CYP4F2: variants seen among roughly 807,000 people sequenced by gnomAD.
CYP4F2 encodes the protein cytochrome P450 family 4 subfamily F member 2, also known as cytochrome P450 4F2.
CYP4F2 carries 58 observed loss-of-function variants against 58.9 expected under a neutral mutation model. That is an observed-to-expected ratio of 0.98 (90% confidence interval 0.80 to 1.23). CYP4F2 has a LOEUF of 1.23. Ranked by LOEUF, CYP4F2 falls within the 50% of genes most tolerant of loss-of-function variation. The pLI is 0.00. For synonymous variants in CYP4F2, 287 were observed against 261.1 expected, an observed-to-expected ratio of 1.10 and a Z score of -0.95; for missense variants, 616 against 685.6, an observed-to-expected ratio of 0.90 and a Z score of 1.13.
chr19:15,892,284 G>A (rs1226017192), intron 5 of CYP4F2, 25 bp downstream of exon 5: 10 of 1,613,998 alleles, frequency 6.2e-6, no homozygotes, highest in African/African-American at 2.7e-5. Context: ...GGCTGCAAGT[G>A]GGACCTTGGC....
rs557462046 is a variant in CYP4F2, at chr19:15,878,950, G to C, written c.1398-14C>G. On this transcript the variant is annotated splice_polypyrimidine_tract_variant and intron_variant, in intron 12 of 12. Coordinates refer to ENST00000221700, the MANE Select transcript of CYP4F2 (RefSeq NM_001082.5). The stretch of plus-strand genomic sequence containing the variant: ...CCGATGCAGTTCCTAGGGGAGGGAG[G>C]TGGGAACTCTGACTGCACCCAGGAG... 3.3e-5 allele frequency: 53 copies of C among 1,611,416 alleles called. No homozygotes were observed. Among genetic ancestry groups the C allele is most frequent in the Non-Finnish European group, 4.4e-5 (52 of 1,178,732 alleles).
chr19:15,878,828 C>G lies in CYP4F2; in HGVS notation c.1506G>C (p.Pro502=). Residue 502 remains proline, a synonymous_variant, in exon 13 of 13, where the codon CCG becomes CCC. Transcript: ENST00000221700. ...LPDHTEPRRK[P]ELVLRAEGGL... is the part of the protein sequence containing the mutation. ...CGCCCTCTGCGCGCAGGACCAGCTC[C>G]GGCTTCCTGCGGGGCTCGGTGTGGT... The G allele has an allele frequency of 1.9e-6, 3 of 1,613,940 alleles. No homozygotes were observed. Among genetic ancestry groups the G allele is most frequent in the Non-Finnish European group, 2.5e-6 (3 of 1,179,922 alleles).
In CYP4F2 at chr19:15,886,001, C is replaced by T. The variant is rs189733293; in HGVS notation, c.1038G>A (p.Lys346=). Residue 346 remains lysine (K), a synonymous_variant, in exon 9 of 13, where the codon AAG becomes AAA. Transcript: ENST00000221700. ...GLSWVLYHLA[K]HPEYQERCRQ... ...GGCAGCGCTCCTGGTATTCTGGGTG[C>T]TTTGCAAGGTGGTACAGGACCCAGG... The T allele has an allele frequency of 6.8e-6, 11 of 1,614,012 alleles. No individual in the cohort carries two copies. The highest frequency in any genetic ancestry group is 7.6e-6 in the Non-Finnish European group (9 of 1,180,032).
intron 2 of CYP4F2, among the ~76,000 whole-genome samples, chr19:15,896,069 T>G (rs11666160): frequency 7.0e-6 from 1 of 142,306 alleles, no homozygotes; most frequent in Non-Finnish European, 1.5e-5. Flanking sequence ...TCTATCTATC[T>G]ATCCATCCAT....
At chr19:15,886,441 C>T (rs2089380894) in intron 7 of CYP4F2, 133 bp from the exon 8 acceptor site, 4 of 1,187,664 alleles carry the variant, frequency 3.4e-6, no homozygotes, top group Middle Eastern at 2.2e-4. Context: ...GTCCATCTTG[C>T]ACTCCTAGAC....
chr19:15,889,738 GA>G (rs750223724), intron 6 of CYP4F2, 45 bp from the exon 7 acceptor site: 3 of 1,599,594 alleles, frequency 1.9e-6, no homozygotes, highest in Admixed American at 3.4e-5. Context: ...TAATATACCT[GA>G]AGCCCCAGGA....
chr19:15,883,152 G>A (rs1197887605), intron 9 of CYP4F2, among the ~76,000 whole-genome samples: 1 of 152,100 alleles, frequency 6.6e-6, no homozygotes, highest in Admixed American at 6.5e-5. Context: ...GCACAGCAAA[G>A]GAAACAGTCA....
chr19:15,879,914 G>C lies in CYP4F2; in HGVS notation c.1116-17C>G, dbSNP rs770374635. Reference sequence around the variant, plus strand: ...AGGTCGTCCCTAAGGAAACACCCCAGCCCCAATCCTTATCAAGGGAGCAAA... The same window carrying C: ...AGGTCGTCCCTAAGGAAACACCCCACCCCCAATCCTTATCAAGGGAGCAAA... On this transcript the variant is annotated splice_polypyrimidine_tract_variant and intron_variant, in intron 9 of 12. Coordinates refer to ENST00000221700, the MANE Select transcript of CYP4F2 (RefSeq NM_001082.5). The C allele has an allele frequency of 9.3e-6, 15 of 1,613,308 alleles. No individual in the cohort carries two copies. Among genetic ancestry groups the C allele is most frequent in the Middle Eastern group, 3.3e-4 (2 of 6,082 alleles).
In CYP4F2 at chr19:15,878,417, C is replaced by T. The variant is rs1189185347; in HGVS notation, c.*354G>A. On this transcript the variant is annotated 3_prime_UTR_variant, in exon 13 of 13. Transcript: ENST00000221700. Reference sequence around the variant, plus strand: ...CTATGTGACCTTTTGCATCTGACGTCTTTCATTCAGTATCATGCATTCAAG... The same window carrying T: ...CTATGTGACCTTTTGCATCTGACGTTTTTCATTCAGTATCATGCATTCAAG... The T allele has an allele frequency of 1.2e-5, 3 of 247,656 alleles. No homozygotes were observed. In the South Asian group the frequency reaches 2.7e-4, roughly 22 times the overall value. 15.3% of individuals were successfully genotyped at this position (247,656 alleles called of 1,614,324 possible).
In CYP4F2 at chr19:15,892,455, G is replaced by A. The variant is rs751186319; in HGVS notation, c.398-19C>T. 6.2e-7 allele frequency: 1 copy of A among 1,614,134 alleles called. No homozygotes were observed. Among genetic ancestry groups the A allele is most frequent in the East Asian group, 2.2e-5 (1 of 44,870 alleles). On this transcript the variant is annotated intron_variant, in intron 4 of 12. Coordinates refer to ENST00000221700, the MANE Select transcript of CYP4F2 (RefSeq NM_001082.5). ...CCATCCCCTAGCAGGGCAGCCAAGG[G>A]CCATGGGCAAGGACCTCTCCCTCCC...
rs557273294 is a variant in CYP4F2 at position 15,897,829 on chromosome 19, G to A, written c.-2+197C>T. ...GTTCCCTAGTAAGCACTTAGAATGG[G>A]AAAGAGAGAGAGAGACTGATTAAAG... On this transcript the variant is annotated intron_variant, in intron 1 of 12. Coordinates refer to ENST00000221700, the MANE Select transcript of CYP4F2 (RefSeq NM_001082.5). 8.8e-4 allele frequency: 486 copies of A among 550,976 alleles called. 4 individuals are homozygous for A. The highest frequency in any genetic ancestry group is 2.9e-3 in the African/African-American group (138 of 48,180). 34.1% of individuals were successfully genotyped at this position (550,976 alleles called of 1,614,324 possible). A position where few individuals can be genotyped will look rare whatever the true frequency, so the allele number is the denominator to read the frequency against.
At chr19:15,881,775 A>G (rs2089347371) in intron 9 of CYP4F2, among the ~76,000 whole-genome samples, 2 of 151,998 alleles carry the variant, frequency 1.3e-5, no homozygotes, top group South Asian at 4.1e-4. Context: ...TGTGGTGTGT[A>G]TATACAATGG....
rs747990498 is a variant in CYP4F2, at chr19:15,892,545, G to A, written c.381C>T (p.Phe127=). The part of the protein sequence containing the change: ...IAPKDKFFYS[F]LEPWLGDGLL... ...GATACTCACCCAGCCAGGGCTCCAGGAAGCTGTAGAAGAACTTGTCCTTTG... is the reference window on the plus strand; with the variant it reads ...GATACTCACCCAGCCAGGGCTCCAGAAAGCTGTAGAAGAACTTGTCCTTTG... The change falls in exon 4 of 13, where the codon TTC becomes TTT. Residue 127 remains phenylalanine, a synonymous_variant. Coordinates refer to ENST00000221700, the MANE Select transcript of CYP4F2 (RefSeq NM_001082.5). 55 of 1,614,016 alleles carry A rather than the reference G, an allele frequency of 3.4e-5. No homozygotes were observed. Among genetic ancestry groups the A allele is most frequent in the Non-Finnish European group, 4.3e-5 (51 of 1,180,014 alleles).
chr19:15,894,895 G>A (rs2089439161), intron 3 of CYP4F2, among the ~76,000 whole-genome samples: 1 of 152,178 alleles, frequency 6.6e-6, no homozygotes, highest in African/African-American at 2.4e-5. Context: ...ATAGGATGGG[G>A]TAAAGGGAAT....
intron 7 of CYP4F2, chr19:15,886,593 C>A: frequency 2.4e-6 from 1 of 420,134 alleles, no homozygotes; most frequent in Non-Finnish European, 4.2e-6. Flanking sequence ...TTACTGGCAA[C>A]CTGAGTTACA....
At chr19:15,879,109 G>A (rs879155368) in intron 12 of CYP4F2, among the ~76,000 whole-genome samples, 173 bp from the exon 13 acceptor site, 1 of 152,016 alleles carries the variant, frequency 6.6e-6, no homozygotes, top group Non-Finnish European at 1.5e-5. Context: ...AAGCCTAGCC[G>A]AGCTCCAACC....
chr19:15,879,298 C>T lies in CYP4F2; in HGVS notation c.1397+48G>A, dbSNP rs2089327706. The T allele has an allele frequency of 1.9e-6, 3 of 1,603,974 alleles. No individual in the cohort carries two copies. The South Asian group carries it at 3.3e-5, about 18-fold the overall frequency. Reference sequence around the variant, plus strand: ...CTTTTCCCCACTGTCATGCCCAGACCCCTGCACCCATCAACCCGTTCCCAC... The same window carrying T: ...CTTTTCCCCACTGTCATGCCCAGACTCCTGCACCCATCAACCCGTTCCCAC... On this transcript the variant is annotated intron_variant, in intron 12 of 12. Coordinates refer to ENST00000221700, the MANE Select transcript of CYP4F2 (RefSeq NM_001082.5).
At chr19:15,897,670 C>CCT in intron 1 of CYP4F2, 58 bp from the exon 2 acceptor site, 1 of 1,593,018 alleles carries the variant, frequency 6.3e-7, no homozygotes, top group Non-Finnish European at 8.5e-7. Context: ...GGCCCAGGGA[C>CCT]CTCCAGGGAC....
At chr19:15,885,685 A>T (rs889041182) in intron 9 of CYP4F2, among the ~76,000 whole-genome samples, 1 of 152,016 alleles carries the variant, frequency 6.6e-6, no homozygotes, top group African/African-American at 2.4e-5. Flanking sequence ...AAGTGGCGTT[A>T]TCTGTCCTCA....
Sources: allele counts gnomAD v4.1 joint callset (sites outside exome capture counted in the v4.1 genomes callset), GRCh38; gene constraint gnomAD v4.1.1; transcripts MANE v1.5; gene names NCBI Gene and HGNC (gene_info 2026-07-23, HGNC 2026-07-21).